The following APBB1IP variants were observed in gnomAD, a reference collection of about 807,000 sequenced individuals.
APBB1IP encodes amyloid beta A4 precursor protein-binding family B member 1-interacting protein.
In APBB1IP, 27 loss-of-function variants were observed where a neutral mutation model predicts 64.9. The ratio of observed to expected loss-of-function variants is 0.42; its 90% CI spans 0.31 to 0.57. The LOEUF (loss-of-function observed/expected upper bound fraction) is 0.57, where lower values mean the gene tolerates loss of function less well. Ranked by LOEUF, APBB1IP falls within the 20% of genes least tolerant of loss-of-function variation. APBB1IP has a pLI of 0.20. For synonymous variants in APBB1IP, 392 were observed against 331.0 expected (o/e 1.18, Z -2.00); for missense variants, 812 against 845.5 (o/e 0.96, Z 0.49).
intron 8 of APBB1IP, among the ~76,000 whole-genome samples, chr10:26,514,253 C>T (rs1836297188): frequency 6.6e-6 from 1 of 152,126 alleles, no homozygotes; most frequent in Non-Finnish European, 1.5e-5. Context: ...TCTTCTGTCC[C>T]TGTTTCTGTG....
chr10:26,474,556 A>G (rs958871446), intron 2 of APBB1IP, among the ~76,000 whole-genome samples: 1 of 152,256 alleles, frequency 6.6e-6, no homozygotes, highest in Non-Finnish European at 1.5e-5. Context: ...AGAACTAAGC[A>G]TTCAACAATG....
intron 2 of APBB1IP, among the ~76,000 whole-genome samples, chr10:26,447,870 A>G (rs1452602809): frequency 6.6e-6 from 1 of 152,162 alleles, no homozygotes; most frequent in Non-Finnish European, 1.5e-5. Flanking sequence ...TCTTGGGCTC[A>G]AGCAATCCTT....
At chr10:26,443,459 A>G (rs1175778351) in intron 2 of APBB1IP, among the ~76,000 whole-genome samples, 2 of 151,828 alleles carry the variant, frequency 1.3e-5, no homozygotes, top group Non-Finnish European at 2.9e-5. Context: ...AAAAAAAAAA[A>G]TTACTTATAT....
chr10:26,489,885 C>T (rs1189298282), intron 2 of APBB1IP, among the ~76,000 whole-genome samples: 1 of 152,110 alleles, frequency 6.6e-6, no homozygotes, highest in African/African-American at 2.4e-5. Flanking sequence ...ATTAGCCAGG[C>T]ATAGTGGTGG....
chr10:26,468,414 A>C (rs768583913), intron 2 of APBB1IP, among the ~76,000 whole-genome samples: 1 of 152,214 alleles, frequency 6.6e-6, no homozygotes, highest in Non-Finnish European at 1.5e-5. Context: ...TTTGCATTCC[A>C]TAAATGCTTC....
intron 11 of APBB1IP, among the ~76,000 whole-genome samples, chr10:26,552,126 C>G (rs1276417775): frequency 6.6e-6 from 1 of 152,148 alleles, no homozygotes. Context: ...TATCAAGACC[C>G]CATCTCTACA....
rs1835307344 is a variant in APBB1IP at position 26,438,795 on chromosome 10, T to A, written c.-59T>A. On this transcript the variant is annotated 5_prime_UTR_variant, in exon 2 of 15. Coordinates refer to ENST00000376236, the MANE Select transcript of APBB1IP (RefSeq NM_019043.4). ...GCGGCAGTCTGCACCGCGCGTCGCT[T>A]TCCCGGCCGGAGTCTCGCCGCCTTC... 6.6e-6 allele frequency: 1 copy of A among 152,542 alleles called. No homozygotes were observed. Among genetic ancestry groups the A allele is most frequent in the African/African-American group, 2.4e-5 (1 of 41,456 alleles). The allele number at this position is 152,542 out of a possible 1,614,324, so 9.4% of individuals were successfully genotyped here.
At chr10:26,560,631 C>T (rs927630654) in intron 12 of APBB1IP, 99 bp from the exon 13 acceptor site, 43 of 756,402 alleles carry the variant, frequency 5.7e-5, no homozygotes, top group Non-Finnish European at 7.7e-5. Context: ...ACAGAGTAGC[C>T]GTGGAGTATT....
intron 8 of APBB1IP, among the ~76,000 whole-genome samples, chr10:26,527,590 T>G (rs1836491268): frequency 6.6e-6 from 1 of 151,328 alleles, no homozygotes; most frequent in Non-Finnish European, 1.5e-5. Flanking sequence ...TCCCACTGGT[T>G]TGCAGAAACA....
At chr10:26,527,417 T>C (rs1173348051) in intron 8 of APBB1IP, among the ~76,000 whole-genome samples, 1 of 151,856 alleles carries the variant, frequency 6.6e-6, no homozygotes, top group Admixed American at 6.6e-5. Flanking sequence ...TGTGATGGCA[T>C]GCACTTGTGG....
At chr10:26,497,638 C>T (rs1836042880) in intron 4 of APBB1IP, among the ~76,000 whole-genome samples, 1 of 151,702 alleles carries the variant, frequency 6.6e-6, no homozygotes. Context: ...ACTTGCTGTG[C>T]CTACCAAAAA....
At chr10:26,510,245 G>A (rs954131932) in intron 6 of APBB1IP, among the ~76,000 whole-genome samples, 3 of 152,210 alleles carry the variant, frequency 2.0e-5, no homozygotes, top group Non-Finnish European at 2.9e-5. Context: ...TGGGATAACA[G>A]GCGTGAGCCA....
intron 11 of APBB1IP, 124 bp from the exon 12 acceptor site, chr10:26,559,981 C>A: frequency 1.3e-6 from 1 of 744,396 alleles, no homozygotes; most frequent in Non-Finnish European, 2.3e-6. Context: ...AACATTACAA[C>A]CAGTAATTTT....
intron 2 of APBB1IP, among the ~76,000 whole-genome samples, chr10:26,455,270 C>T (rs1239764057): frequency 1.3e-5 from 2 of 152,178 alleles, no homozygotes; most frequent in African/African-American, 2.4e-5. Context: ...TGGCTCACGC[C>T]TGTAATCCCA....
chr10:26,476,194 G>A (rs1263031383), intron 2 of APBB1IP, among the ~76,000 whole-genome samples: 4 of 151,890 alleles, frequency 2.6e-5, no homozygotes, highest in African/African-American at 7.3e-5. Flanking sequence ...GAGCAGCTGG[G>A]ATTACAGATG....
At chr10:26,565,970 G>T (rs9334062) in intron 14 of APBB1IP, among the ~76,000 whole-genome samples, 1 of 151,988 alleles carries the variant, frequency 6.6e-6, no homozygotes, top group African/African-American at 2.4e-5. Context: ...TTTAATCCCA[G>T]AGTTAGTTTT....
At position 26,567,335 on chromosome 10, in the gene APBB1IP, C is replaced by T. The variant is rs1447144865; in HGVS notation, c.1848C>T (p.Ser616=). 10 of 1,379,374 alleles carry T rather than the reference C, an allele frequency of 7.2e-6. No homozygotes were observed. The highest frequency in any genetic ancestry group is 2.7e-5 in the Admixed American group (1 of 37,226). 85.4% of individuals were successfully genotyped at this position (1,379,374 alleles called of 1,614,324 possible). ...PAPAPAPVPD[S]ARPPPAVAKR... ...CCGCGCCCGCCCCCGTCCCCGACTC[C>T]GCCAGGCCGCCCCCCGCGGTGGCCA... The change falls in exon 15 of 15, where the codon TCC becomes TCT. Residue 616 remains serine (S), a synonymous_variant. Coordinates refer to ENST00000376236, the MANE Select transcript of APBB1IP (RefSeq NM_019043.4).
rs965690127 is a variant in APBB1IP at position 26,552,357 on chromosome 10, G to A, written c.1156-7748G>A. Reference sequence around the variant, plus strand: ...CCATGTGTGTAATCCCAGCATTTTCGGAGGTCAAGGCAGGAGGATCACTTG... The same window carrying A: ...CCATGTGTGTAATCCCAGCATTTTCAGAGGTCAAGGCAGGAGGATCACTTG... On this transcript the variant is annotated intron_variant, in intron 11 of 14. Coordinates refer to ENST00000376236, the MANE Select transcript of APBB1IP (RefSeq NM_019043.4). Among the ~76,000 whole-genome samples the A allele has an allele frequency of 5.3e-5, 8 of 152,026 alleles. No individual in the cohort carries two copies. In the South Asian group the frequency reaches 8.3e-4, roughly 16 times the overall value.
At chr10:26,496,545 C>T (rs1836027579) in intron 4 of APBB1IP, among the ~76,000 whole-genome samples, 154 bp downstream of exon 4, 1 of 151,934 alleles carries the variant, frequency 6.6e-6, no homozygotes, top group Non-Finnish European at 1.5e-5. Flanking sequence ...TTTACTGTGT[C>T]TAGATTGAAT....
Sources: gnomAD v4.1 joint callset for allele counts (sites outside exome capture counted in the v4.1 genomes callset) on GRCh38, gnomAD v4.1.1 for gene constraint, MANE v1.5 for transcripts, NCBI Gene and HGNC (gene_info 2026-07-23, HGNC 2026-07-21) for gene names.